DNAJB13: variants seen among roughly 807,000 people sequenced by gnomAD.
DNAJB13 encodes DnaJ heat shock protein family (Hsp40) member B13, also known as dnaJ homolog subfamily B member 13.
DNAJB13 carries 22 observed loss-of-function variants against 35.6 expected under a neutral mutation model. The observed-to-expected ratio is 0.62, with a 90% CI of 0.44 to 0.88. The LOEUF (loss-of-function observed/expected upper bound fraction) is 0.88. DNAJB13 is among the 40% of genes least tolerant of loss of function. The pLI is 0.00. For missense variants in DNAJB13, 370 were observed against 384.3 expected (o/e 0.96, Z 0.31); for synonymous variants, 136 against 144.2 (o/e 0.94, Z 0.41).
At chr11:73,956,952 C>A (rs1950761617) in intron 1 of DNAJB13, among the ~76,000 whole-genome samples, 1 of 152,056 alleles carries the variant, frequency 6.6e-6, no homozygotes, top group Non-Finnish European at 1.5e-5. Context: ...GAGACAGAAG[C>A]CTGCCTCTGG....
At chr11:73,951,194 T>G in intron 1 of DNAJB13, 57 bp downstream of exon 1, 1 of 1,602,752 alleles carries the variant, frequency 6.2e-7, no homozygotes, top group Non-Finnish European at 8.5e-7. Context: ...CCTGCCCTCT[T>G]CTCTTCCAAA....
At chr11:73,960,238 C>T (rs1382345240) in intron 3 of DNAJB13, among the ~76,000 whole-genome samples, 1 of 152,018 alleles carries the variant, frequency 6.6e-6, no homozygotes, top group Non-Finnish European at 1.5e-5. Context: ...AGTGCAGTGG[C>T]ATGATCTCTG....
chr11:73,964,821 G>GCT, intron 3 of DNAJB13, 57 bp from the exon 4 acceptor site: 1 of 1,481,468 alleles, frequency 6.8e-7, no homozygotes, highest in Non-Finnish European at 9.3e-7. Flanking sequence ...GTGCGCGCGC[G>GCT]CGCATGTCTG....
chr11:73,969,125 AG>A (rs1278634114), intron 6 of DNAJB13, 120 bp from the exon 7 acceptor site: 4 of 543,048 alleles, frequency 7.4e-6, no homozygotes, highest in Non-Finnish European at 1.3e-5. Flanking sequence ...GTTATTGAAC[AG>A]CCTCGTCTCC....
At chr11:73,962,699 C>T (rs1202000223) in intron 3 of DNAJB13, among the ~76,000 whole-genome samples, 1 of 152,180 alleles carries the variant, frequency 6.6e-6, no homozygotes, top group East Asian at 1.9e-4. Flanking sequence ...GACTATACTT[C>T]AGCCTTTCTG....
intron 3 of DNAJB13, 62 bp from the exon 4 acceptor site, chr11:73,964,806 TGTGTGTGCGC>T (rs1554992045): frequency 1.2e-5 from 9 of 729,884 alleles, no homozygotes; most frequent in African/African-American, 7.3e-5. Context: ...TGTGTGTGTG[TGTGTGTGCGC>T]GCGCGCGCAT....
intron 1 of DNAJB13, among the ~76,000 whole-genome samples, chr11:73,952,583 C>T (rs1231312716): frequency 3.3e-5 from 5 of 152,160 alleles, no homozygotes; most frequent in African/African-American, 9.7e-5. Flanking sequence ...AAGACACAAA[C>T]TCATGAAAGG....
intron 1 of DNAJB13, among the ~76,000 whole-genome samples, chr11:73,956,132 C>T (rs1401610761): frequency 6.6e-6 from 1 of 152,166 alleles, no homozygotes; most frequent in Non-Finnish European, 1.5e-5. Context: ...AACTCCAGGA[C>T]CTCCCAGTCT....
chr11:73,954,643 A>AAAATAAAT (rs10681304), intron 1 of DNAJB13, among the ~76,000 whole-genome samples: 92 of 132,250 alleles, frequency 7.0e-4, no homozygotes, highest in Middle Eastern at 4.3e-3. Context: ...AAAAAAAAAT[A>AAAATAAAT]AAATAAATAA....
At chr11:73,966,688 A>G (rs549929794) in intron 5 of DNAJB13, among the ~76,000 whole-genome samples, 16 of 151,634 alleles carry the variant, frequency 1.1e-4, no homozygotes, top group African/African-American at 3.4e-4. Context: ...TTATTTATTT[A>G]TTTTTATTTT....
intron 5 of DNAJB13, 193 bp from the exon 6 acceptor site, chr11:73,968,152 G>A (rs1233230175): frequency 3.3e-6 from 2 of 605,838 alleles, no homozygotes; most frequent in East Asian, 2.8e-5. Context: ...ATTCTGGGGG[G>A]ATTCATTTGG....
At chr11:73,959,686 A>G (rs1950870898) in intron 3 of DNAJB13, 31 bp downstream of exon 3, 2 of 1,603,274 alleles carry the variant, frequency 1.2e-6, no homozygotes, top group Middle Eastern at 1.7e-4. Flanking sequence ...ACCTTGCCTT[A>G]TAGAGAAAGG....
Position 73,970,052 on chromosome 11 carries a change from C to T in DNAJB13, c.889C>T (p.Gln297Ter). The T allele has an allele frequency of 1.2e-6, 2 of 1,611,188 alleles. No homozygotes were observed. Among genetic ancestry groups the T allele is most frequent in the Non-Finnish European group, 1.7e-6 (2 of 1,178,594 alleles). ...GGATCTCTTCATCTTCTTCGACATC[C>T]AGTTCCCCACCCGCCTCACACCCCA... ...KGDLFIFFDI[Q>*]FPTRLTPQKK... Residue 297 changes from glutamine to a stop codon, truncating the protein, a stop_gained, in exon 8 of 8, where the codon CAG becomes TAG. Transcript: ENST00000339764. LOFTEE classifies it high-confidence loss of function.
chr11:73,960,911 A>G (rs965176902), intron 3 of DNAJB13, among the ~76,000 whole-genome samples: 6 of 152,130 alleles, frequency 3.9e-5, no homozygotes, highest in Admixed American at 1.3e-4. Context: ...ACAGATGTCT[A>G]TTAGGGATCC....
At chr11:73,963,413 C>T (rs994437264) in intron 3 of DNAJB13, among the ~76,000 whole-genome samples, 3 of 151,928 alleles carry the variant, frequency 2.0e-5, no homozygotes, top group African/African-American at 7.2e-5. Flanking sequence ...ATACAGTGGA[C>T]CTTGCCTCCC....
In DNAJB13 at chr11:73,959,547, ATTCCTTTGGAG is replaced by A. The variant is rs771877900; in HGVS notation, c.229_239del (p.Pro77TrpfsTer17). ...TGGAGAAGAGGGCCTGAAGGGTGGGATTCCTTTGGAGTTTGGATCCCAGACCCCATGGACAA... is the reference window on the plus strand; with the variant it reads ...TGGAGAAGAGGGCCTGAAGGGTGGGATTTGGATCCCAGACCCCATGGACAA... On this transcript the variant is annotated frameshift_variant, in exon 3 of 8. Transcript: ENST00000339764. LOFTEE classifies it high-confidence loss of function. 6.2e-7 allele frequency: 1 copy of A among 1,613,992 alleles called. No homozygotes were observed. The highest frequency in any genetic ancestry group is 8.5e-7 in the Non-Finnish European group (1 of 1,180,016).
intron 3 of DNAJB13, 55 bp from the exon 4 acceptor site, chr11:73,964,823 G>GCGCGCA: frequency 6.8e-7 from 1 of 1,474,050 alleles, no homozygotes; most frequent in Non-Finnish European, 9.3e-7. Context: ...GCGCGCGCGC[G>GCGCGCA]CATGTCTGGG....
rs1332530251 is a variant in DNAJB13, at chr11:73,964,949, C to T, written c.406C>T (p.Gln136Ter). The T allele has an allele frequency of 1.9e-6, 3 of 1,613,294 alleles. No homozygotes were observed. The highest frequency in any genetic ancestry group is 2.5e-6 in the Non-Finnish European group (3 of 1,179,862). Residue 136 changes from glutamine to a stop codon, truncating the protein, a stop_gained, in exon 4 of 8, where the codon CAG (glutamine) becomes TAG (stop). Transcript: ENST00000339764. LOFTEE classifies it high-confidence loss of function. ...GGLQGRGVKK[Q>*]DPQVERDLYL... ...GCTCCAGGGCCGAGGGGTCAAGAAG[C>T]AGGACCCCCAAGTCGAACGGGATCT...
In DNAJB13 at chr11:73,968,365, A is replaced by G. The variant is rs1024689105; in HGVS notation, c.627A>G (p.Ala209=). The part of the protein sequence containing the change: ...EGDQGPNIIP[A]DIIFIVKEKL... ...CCCAGGGCCCCAACATCATCCCAGCAGACATCATTTTCATCGTAAAGGAGA... is the reference window on the plus strand; with the variant it reads ...CCCAGGGCCCCAACATCATCCCAGCGGACATCATTTTCATCGTAAAGGAGA... Residue 209 remains alanine, a synonymous_variant, in exon 6 of 8, where the codon GCA becomes GCG. Transcript: ENST00000339764. 2.5e-6 allele frequency: 4 copies of G among 1,614,022 alleles called. No homozygotes were observed. In the African/African-American group the frequency reaches 5.3e-5, roughly 22 times the overall value.
Sources: allele counts gnomAD v4.1 joint callset (sites outside exome capture counted in the v4.1 genomes callset), GRCh38; gene constraint gnomAD v4.1.1; transcripts MANE v1.5; gene names NCBI Gene and HGNC (gene_info 2026-07-23, HGNC 2026-07-21).